Variants in HOMER1 observed in about 807,000 individuals in gnomAD.
HOMER1 encodes homer scaffold protein 1.
Under a neutral mutation model 48.9 loss-of-function variants are expected in HOMER1, and 3 were observed. That is an observed-to-expected ratio of 0.06 (90% CI 0.03 to 0.16). HOMER1 has a LOEUF of 0.16. Among genes scored for constraint, HOMER1 ranks in the 10% least tolerant of loss-of-function variants. The probability of loss-of-function intolerance (pLI) is 1.00; values close to 1 mark genes in which losing one functional copy is unlikely to be tolerated. For synonymous variants in HOMER1, 134 were observed against 146.4 expected, an observed-to-expected ratio of 0.92 and a Z score of 0.61; for missense variants, 247 against 411.4, an observed-to-expected ratio of 0.60 and a Z score of 3.46.
chr5:79,377,372 A>G (rs562254894), intron 8 of HOMER1, among the ~76,000 whole-genome samples: 5 of 152,244 alleles, frequency 3.3e-5, no homozygotes, highest in Non-Finnish European at 7.3e-5. Context: ...GGTTAAAAAA[A>G]TCAGATTGAG....
intron 6 of HOMER1, among the ~76,000 whole-genome samples, chr5:79,400,860 T>A (rs1749519169): frequency 7.0e-6 from 1 of 143,828 alleles, no homozygotes; most frequent in African/African-American, 2.6e-5. Context: ...TCCTTCCCAC[T>A]CAGCATTCCA....
At chr5:79,406,253 G>A (rs1359732606) in intron 5 of HOMER1, among the ~76,000 whole-genome samples, 2 of 152,136 alleles carry the variant, frequency 1.3e-5, no homozygotes, top group African/African-American at 2.4e-5. Context: ...ACCCAAGGAA[G>A]CTCAAGTTTA....
At chr5:79,384,655 CATT>C (rs1182381476) in intron 8 of HOMER1, among the ~76,000 whole-genome samples, 2 of 152,074 alleles carry the variant, frequency 1.3e-5, no homozygotes, top group African/African-American at 4.8e-5. Flanking sequence ...ATGAGGCCAG[CATT>C]ACTCTGATAC....
chr5:79,439,644 C>T (rs1561364554), intron 4 of HOMER1, among the ~76,000 whole-genome samples: 1 of 151,936 alleles, frequency 6.6e-6, no homozygotes, highest in Non-Finnish European at 1.5e-5. Context: ...TTTATCTGCC[C>T]TACTTTTCAA....
At chr5:79,490,500 CAGT>C (rs1177753377) in intron 1 of HOMER1, among the ~76,000 whole-genome samples, 2 of 151,994 alleles carry the variant, frequency 1.3e-5, no homozygotes, top group East Asian at 1.9e-4. Flanking sequence ...AAATTTATAA[CAGT>C]AGAATTAATG....
chr5:79,476,242 A>G (rs1459441672), intron 1 of HOMER1, among the ~76,000 whole-genome samples: 2 of 152,118 alleles, frequency 1.3e-5, no homozygotes, highest in Non-Finnish European at 2.9e-5. Context: ...TTCTGAGTGG[A>G]AAAAAAACGA....
intron 5 of HOMER1, among the ~76,000 whole-genome samples, chr5:79,424,948 T>C (rs1436724795): frequency 2.0e-5 from 3 of 152,090 alleles, no homozygotes; most frequent in African/African-American, 4.8e-5. Context: ...CTCTTCTTCC[T>C]CTACATGGAG....
intron 5 of HOMER1, among the ~76,000 whole-genome samples, chr5:79,407,601 C>T (rs548070245): frequency 3.3e-5 from 5 of 152,082 alleles, no homozygotes; most frequent in Non-Finnish European, 7.4e-5. Flanking sequence ...TGCATAAAGT[C>T]GGTGAACATG....
At chr5:79,432,029 C>G (rs1019758321) in intron 5 of HOMER1, among the ~76,000 whole-genome samples, 18 of 152,122 alleles carry the variant, frequency 1.2e-4, no homozygotes, top group African/African-American at 4.3e-4. Flanking sequence ...TTAGGTGAAC[C>G]CTGCACACTC....
At chr5:79,436,183 TTTAA>T (rs1268096488) in intron 5 of HOMER1, among the ~76,000 whole-genome samples, 7 of 152,050 alleles carry the variant, frequency 4.6e-5, no homozygotes, top group East Asian at 1.9e-4. Flanking sequence ...TAAATAAGAT[TTTAA>T]TTGTGTTCCT....
In HOMER1 at chr5:79,375,903, A is replaced by ATT; in HGVS notation, c.*105_*106insAA. On this transcript the variant is annotated 3_prime_UTR_variant, in exon 9 of 9. Coordinates refer to ENST00000334082, the MANE Select transcript of HOMER1 (RefSeq NM_004272.5). ...TCCTCCTCCTGGAGGAGTGATATTCAATTTTTTTTTTTTTTTTTTTGTGCA... is the reference window on the plus strand; with the variant it reads ...TCCTCCTCCTGGAGGAGTGATATTCATTATTTTTTTTTTTTTTTTTTTGTGCA... 3 of 526,698 alleles carry ATT rather than the reference A, an allele frequency of 5.7e-6. No individual in the cohort carries two copies. Among genetic ancestry groups the ATT allele is most frequent in the Non-Finnish European group, 9.1e-6 (3 of 329,364 alleles). 32.6% of individuals were successfully genotyped at this position (526,698 alleles called of 1,614,324 possible). A position where few individuals can be genotyped will look rare whatever the true frequency, so the allele number is the denominator to read the frequency against.
intron 6 of HOMER1, among the ~76,000 whole-genome samples, chr5:79,400,813 T>C (rs1170090886): frequency 6.8e-6 from 1 of 147,068 alleles, no homozygotes; most frequent in Non-Finnish European, 1.5e-5. Flanking sequence ...AGAGCCATCA[T>C]AATTCACTGC....
chr5:79,432,242 C>T (rs972854277), intron 5 of HOMER1, among the ~76,000 whole-genome samples: 1 of 152,204 alleles, frequency 6.6e-6, no homozygotes. Flanking sequence ...ACCTACCTCC[C>T]TTCCAATGAA....
rs1339173328 is a variant in HOMER1 at position 79,491,687 on chromosome 5, G to A, written c.5+21083C>T. ...ATCACAGCAGTTCTGGAACTGCTTAGTCAATTGGTTGTTTTCCTTATGTAT... is the reference window on the plus strand; with the variant it reads ...ATCACAGCAGTTCTGGAACTGCTTAATCAATTGGTTGTTTTCCTTATGTAT... On this transcript the variant is annotated intron_variant, in intron 1 of 8. Transcript: ENST00000334082. Among the ~76,000 whole-genome samples the A allele has an allele frequency of 5.9e-5, 9 of 152,088 alleles. No individual in the cohort carries two copies. The East Asian group carries it at 1.7e-3, about 29-fold the overall frequency.
At chr5:79,458,413 A>G (rs1348896886) in intron 1 of HOMER1, among the ~76,000 whole-genome samples, 1 of 151,966 alleles carries the variant, frequency 6.6e-6, no homozygotes, top group Admixed American at 6.5e-5. Context: ...ATTAATTTTA[A>G]AATTATGAAG....
chr5:79,450,930 T>C, intron 3 of HOMER1, 60 bp downstream of exon 3: 1 of 1,500,550 alleles, frequency 6.7e-7, no homozygotes, highest in Non-Finnish European at 9.2e-7. Context: ...TGGTATTATA[T>C]ATTTAAGATA....
intron 1 of HOMER1, among the ~76,000 whole-genome samples, chr5:79,473,514 T>C (rs1751678072): frequency 6.6e-6 from 1 of 152,200 alleles, no homozygotes; most frequent in South Asian, 2.1e-4. Context: ...CCAATTTCAG[T>C]TGCCTCATCC....
Position 79,448,975 on chromosome 5 carries a change from T to A in HOMER1, c.295-1830A>T, listed in dbSNP as rs201835270. 3.8e-4 allele frequency among the ~76,000 whole-genome samples: 56 copies of A among 146,272 alleles called. No individual in the cohort carries two copies. In the East Asian group the frequency reaches 5.0e-3, roughly 13 times the overall value. ...TGCTAACTTTAAAGAAGAAAAAAAATTAAAAAAAAAAAGCCATTCTCAGAG... is the reference window on the plus strand; with the variant it reads ...TGCTAACTTTAAAGAAGAAAAAAAAATAAAAAAAAAAAGCCATTCTCAGAG... On this transcript the variant is annotated intron_variant, in intron 3 of 8. Coordinates refer to ENST00000334082, the MANE Select transcript of HOMER1 (RefSeq NM_004272.5).
intron 5 of HOMER1, among the ~76,000 whole-genome samples, chr5:79,434,195 T>C (rs765415707): frequency 6.6e-6 from 1 of 152,156 alleles, no homozygotes; most frequent in Non-Finnish European, 1.5e-5. Context: ...TATTGTACCA[T>C]ATTTGAGGAT....
Sources: gnomAD v4.1 joint callset for allele counts (sites outside exome capture counted in the v4.1 genomes callset) on GRCh38, gnomAD v4.1.1 for gene constraint, MANE v1.5 for transcripts, NCBI Gene and HGNC (gene_info 2026-07-23, HGNC 2026-07-21) for gene names.